The following RHAG variants were observed in gnomAD, a reference collection of about 807,000 sequenced individuals.
RHAG encodes the protein Rh associated glycoprotein, also known as ammonium transporter Rh type A.
Under a neutral mutation model 42.4 loss-of-function variants are expected in RHAG, and 25 were observed. The observed-to-expected ratio is 0.59, with a 90% CI of 0.43 to 0.82. The LOEUF (loss-of-function observed/expected upper bound fraction) is 0.82, where lower values mean the gene tolerates loss of function less well. Among genes scored for constraint, RHAG ranks in the 40% least tolerant of loss-of-function variants. RHAG has a pLI of 0.00. For missense variants in RHAG, 483 were observed against 504.6 expected (o/e 0.96, Z 0.41); for synonymous variants, 182 against 177.7 (o/e 1.02, Z -0.19).
At chr6:49,622,569 A>T (rs943634941) in intron 1 of RHAG, among the ~76,000 whole-genome samples, 1 of 151,946 alleles carries the variant, frequency 6.6e-6, no homozygotes, top group African/African-American at 2.4e-5. Context: ...CTCCTGACAC[A>T]CCATGACACC....
chr6:49,629,558 G>A (rs1192615416), intron 1 of RHAG, among the ~76,000 whole-genome samples: 1 of 152,164 alleles, frequency 6.6e-6, no homozygotes, highest in Admixed American at 6.5e-5. Flanking sequence ...ACACTCCTCA[G>A]CCCTTGGGTG....
At chr6:49,627,931 G>A (rs535152813) in intron 1 of RHAG, among the ~76,000 whole-genome samples, 7 of 152,226 alleles carry the variant, frequency 4.6e-5, no homozygotes, top group Non-Finnish European at 8.8e-5. Flanking sequence ...ATGAGATTTG[G>A]TTGGGGACAC....
chr6:49,618,062 T>G lies in RHAG; in HGVS notation c.492+6A>C. 6.2e-7 allele frequency: 1 copy of G among 1,613,338 alleles called. No individual in the cohort carries two copies. The highest frequency in any genetic ancestry group is 8.5e-7 in the Non-Finnish European group (1 of 1,179,356). On this transcript the variant is annotated splice_donor_region_variant and intron_variant, in intron 3 of 9. Coordinates refer to ENST00000371175, the MANE Select transcript of RHAG (RefSeq NM_000324.3). The stretch of plus-strand genomic sequence containing the variant: ...GCTAGGAAAGTATAAATTTTCTAAC[T>G]CTTACCTTAAATATTTCACTAACCA...
chr6:49,606,948 ATGT>A (rs1762479793), intron 8 of RHAG, 27 bp from the exon 9 acceptor site: 1 of 1,536,584 alleles, frequency 6.5e-7, no homozygotes, highest in Non-Finnish European at 9.0e-7. Flanking sequence ...AAAATGAGTC[ATGT>A]TGTGACGCTG....
chr6:49,615,650 T>C lies in RHAG; in HGVS notation c.614A>G (p.Tyr205Cys), dbSNP rs1358080731. 3 of 1,614,044 alleles carry C rather than the reference T, an allele frequency of 1.9e-6. No homozygotes were observed. Among genetic ancestry groups the C allele is most frequent in the Non-Finnish European group, 2.5e-6 (3 of 1,180,030 alleles). Residue 205 changes from tyrosine (Y) to cysteine (C), a missense_variant, in exon 4 of 10, where the codon TAC (tyrosine) becomes TGC (cysteine). Tyr to Cys is a radical substitution (Grantham distance 194, BLOSUM62 -2). Transcript: ENST00000371175. ...RKGHENEESA[Y>C]YSDLFAMIGT... ...AATCATTGCAAACAAGTCTGAGTAG[T>C]ATGCGGACTCTTCATTTTCATGCCC...
intron 1 of RHAG, among the ~76,000 whole-genome samples, chr6:49,635,984 G>A (rs1279574427): frequency 6.6e-6 from 1 of 152,212 alleles, no homozygotes; most frequent in South Asian, 2.1e-4. Context: ...GTAAATGGTA[G>A]TTATTGTTAT....
At chr6:49,627,765 G>A (rs975262194) in intron 1 of RHAG, among the ~76,000 whole-genome samples, 1 of 152,144 alleles carries the variant, frequency 6.6e-6, no homozygotes, top group Non-Finnish European at 1.5e-5. Context: ...GCAGGTGAGA[G>A]AGCTGGTGCA....
At chr6:49,622,500 C>T (rs993736786) in intron 1 of RHAG, among the ~76,000 whole-genome samples, 2 of 152,076 alleles carry the variant, frequency 1.3e-5, no homozygotes, top group Admixed American at 1.3e-4. Context: ...TAAGCCACCG[C>T]GCCTGGCAAT....
intron 4 of RHAG, chr6:49,615,205 C>A: frequency 3.4e-6 from 1 of 295,544 alleles, no homozygotes. Context: ...CCGCCTCGGC[C>A]TCCCAAAGTG....
chr6:49,614,665 T>C lies in RHAG; in HGVS notation c.807+22A>G, dbSNP rs369519136. 84 of 1,612,434 alleles carry C rather than the reference T, an allele frequency of 5.2e-5. No homozygotes were observed. In the African/African-American group the frequency reaches 9.5e-4, roughly 18 times the overall value. On this transcript the variant is annotated intron_variant, in intron 5 of 9. Transcript: ENST00000371175. The stretch of plus-strand genomic sequence containing the variant: ...TCAGTGTTGTGAAGCAAAATTTCCA[T>C]GAGGGCTAAGGCGGCACTTACCATG...
intron 1 of RHAG, among the ~76,000 whole-genome samples, chr6:49,633,262 G>A (rs978972796): frequency 2.6e-5 from 4 of 152,110 alleles, no homozygotes; most frequent in African/African-American, 7.2e-5. Context: ...GGGAGGAACC[G>A]AGCCTTTTCT....
chr6:49,628,902 G>A (rs1029159305), intron 1 of RHAG, among the ~76,000 whole-genome samples: 1 of 152,156 alleles, frequency 6.6e-6, no homozygotes, highest in Admixed American at 6.5e-5. Flanking sequence ...AAAGAACAAA[G>A]CTTCCACATT....
intron 1 of RHAG, among the ~76,000 whole-genome samples, chr6:49,628,224 A>T (rs542309268): frequency 1.6e-4 from 24 of 152,088 alleles, no homozygotes; most frequent in Non-Finnish European, 3.2e-4. Context: ...TGGCATGAAC[A>T]TAACTCACTA....
intron 1 of RHAG, among the ~76,000 whole-genome samples, chr6:49,624,838 A>G (rs1762818481): frequency 6.6e-6 from 1 of 152,240 alleles, no homozygotes; most frequent in Non-Finnish European, 1.5e-5. Context: ...ATCAATCTTC[A>G]GGGAGACCAC....
chr6:49,613,266 C>T (rs1012551200), intron 5 of RHAG, among the ~76,000 whole-genome samples: 4 of 152,008 alleles, frequency 2.6e-5, no homozygotes, highest in Non-Finnish European at 4.4e-5. Context: ...GATGGGGTTT[C>T]GCCATGTTGG....
At chr6:49,611,200 G>C in intron 6 of RHAG, 55 bp from the exon 7 acceptor site, 4 of 1,437,482 alleles carry the variant, frequency 2.8e-6, no homozygotes, top group Admixed American at 1.7e-5. Context: ...TAGAACTCTA[G>C]AACTGAAACA....
chr6:49,619,435 A>G, intron 1 of RHAG, 73 bp from the exon 2 acceptor site: 7 of 1,329,340 alleles, frequency 5.3e-6, no homozygotes, highest in South Asian at 1.2e-5. Flanking sequence ...AGTATACCCC[A>G]CTTATTAAGT....
intron 2 of RHAG, among the ~76,000 whole-genome samples, chr6:49,618,848 G>T (rs1485554730): frequency 7.2e-5 from 11 of 152,132 alleles, no homozygotes; most frequent in Non-Finnish European, 2.9e-5. Context: ...CATAAACTGG[G>T]TTGTTTATAA....
At chr6:49,612,200 T>C (rs1187055748) in intron 6 of RHAG, among the ~76,000 whole-genome samples, 197 bp downstream of exon 6, 1 of 152,226 alleles carries the variant, frequency 6.6e-6, no homozygotes, top group African/African-American at 2.4e-5. Flanking sequence ...CTGGATTCTT[T>C]CCTGTTACAC....
Sources: gnomAD v4.1 joint callset for allele counts (sites outside exome capture counted in the v4.1 genomes callset) on GRCh38, gnomAD v4.1.1 for gene constraint, MANE v1.5 for transcripts, NCBI Gene and HGNC (gene_info 2026-07-23, HGNC 2026-07-21) for gene names.